CNTNAP1: variants seen among roughly 807,000 people sequenced by gnomAD.
CNTNAP1 encodes contactin associated protein 1.
In CNTNAP1, 80 loss-of-function variants were observed where a neutral mutation model predicts 161.5. That is an observed-to-expected ratio of 0.50 (90% CI 0.41 to 0.60). The LOEUF (loss-of-function observed/expected upper bound fraction) is 0.60. Among genes scored for constraint, CNTNAP1 ranks in the 20% least tolerant of loss-of-function variants. CNTNAP1 has a pLI of 0.00. For missense variants in CNTNAP1, 1,464 were observed against 1,854.8 expected (o/e 0.79, Z 3.87); for synonymous variants, 695 against 733.1 (o/e 0.95, Z 0.84).
Position 42,695,230 on chromosome 17 carries a change from G to A in CNTNAP1, c.2993-291G>A, listed in dbSNP as rs2053136738. ...CCCAAAGTGCTGGGATTACAGGTGTGAGCCACTGTGCCTGGCCTTACTGCG... is the reference window on the plus strand; with the variant it reads ...CCCAAAGTGCTGGGATTACAGGTGTAAGCCACTGTGCCTGGCCTTACTGCG... On this transcript the variant is annotated intron_variant, in intron 18 of 23. Transcript: ENST00000264638. Among the ~76,000 whole-genome samples, 3 of 152,316 alleles carry A rather than the reference G, an allele frequency of 2.0e-5. No individual in the cohort carries two copies. In the South Asian group the frequency reaches 6.2e-4, roughly 32 times the overall value.
chr17:42,692,760 C>T (rs1294937611), intron 17 of CNTNAP1, 40 bp downstream of exon 17: 3 of 1,540,990 alleles, frequency 1.9e-6, no homozygotes, highest in Non-Finnish European at 2.6e-6. Flanking sequence ...GCCTCCTTTA[C>T]CTCCCCATCC....
Position 42,697,254 on chromosome 17 carries a change from C to T in CNTNAP1, c.3475-20C>T, listed in dbSNP as rs1355504956. ...GTCCCCGCTCCCTCATCGCCCTCCC[C>T]CTCCCCCTCCCCACCTCAGGTGGAC... On this transcript the variant is annotated intron_variant, in intron 20 of 23. Coordinates refer to ENST00000264638, the MANE Select transcript of CNTNAP1 (RefSeq NM_003632.3). The T allele has an allele frequency of 6.3e-7, 1 of 1,588,782 alleles. No homozygotes were observed. Among genetic ancestry groups the T allele is most frequent in the Non-Finnish European group, 8.6e-7 (1 of 1,157,110 alleles).
rs555596441 is a variant in CNTNAP1, at chr17:42,697,883, TG to T, written c.3815-18del. On this transcript the variant is annotated intron_variant, in intron 22 of 23. Coordinates refer to ENST00000264638, the MANE Select transcript of CNTNAP1 (RefSeq NM_003632.3). ...TAACATGGAGGAGGCATCTCCTAACTGGTGCTTTCTCCTCTCCAGACTTCCC... is the reference window on the plus strand; with the variant it reads ...TAACATGGAGGAGGCATCTCCTAACTGTGCTTTCTCCTCTCCAGACTTCCC... 1,035 of 1,614,196 alleles carry T rather than the reference TG, an allele frequency of 6.4e-4. 6 individuals carry two copies. In the Middle Eastern group the frequency reaches 0.015, roughly 23 times the overall value.
intron 17 of CNTNAP1, 43 bp from the exon 18 acceptor site, chr17:42,693,254 T>A: frequency 6.2e-7 from 1 of 1,608,956 alleles, no homozygotes. Flanking sequence ...CCACCGCGCC[T>A]GGCCCTGCCT....
rs1187027240 is a variant in CNTNAP1 at position 42,699,541 on chromosome 17, TAGAGAAA to T, written c.*633_*639del. On this transcript the variant is annotated 3_prime_UTR_variant, in exon 24 of 24. Transcript: ENST00000264638. ...CCAAAGCCATAAAAAACCTGCAACGTAGAGAAAATAATGCAGATACCCTGACTAGCCA... is the reference window on the plus strand; with the variant it reads ...CCAAAGCCATAAAAAACCTGCAACGTATAATGCAGATACCCTGACTAGCCA... 2.0e-5 allele frequency: 3 copies of T among 152,686 alleles called. No homozygotes were observed. Among genetic ancestry groups the T allele is most frequent in the Non-Finnish European group, 4.4e-5 (3 of 68,024 alleles). 9.5% of individuals were successfully genotyped at this position (152,686 alleles called of 1,614,324 possible).
In CNTNAP1 at chr17:42,699,131, T is replaced by G; in HGVS notation, c.*221T>G. 6 of 422,714 alleles carry G rather than the reference T, an allele frequency of 1.4e-5. No individual in the cohort carries two copies. The highest frequency in any genetic ancestry group is 3.8e-5 in the East Asian group (1 of 26,434). The allele number at this position is 422,714 out of a possible 1,614,324, so 26.2% of individuals were successfully genotyped here. On this transcript the variant is annotated 3_prime_UTR_variant, in exon 24 of 24. Transcript: ENST00000264638. ...AAACCAATGCCCTTCTCATCCCTGT[T>G]TCCCCAGGCTCCTGGCTGTTTATCT... is the stretch of plus-strand genomic sequence containing the variant.
rs542440020 is a variant in CNTNAP1 at position 42,691,103 on chromosome 17, C to T, written c.2060-34C>T. ...AGGAGCCCAGAGGCTAATGGAGGGA[C>T]AGGGCCTGGAAGCTGCCTGCACCTC... On this transcript the variant is annotated intron_variant, in intron 13 of 23. Transcript: ENST00000264638. This position sits in a 1 kb window ranked among gnomAD's most constrained non-coding sequence, Gnocchi z 4.3. The T allele has an allele frequency of 6.2e-7, 1 of 1,609,378 alleles. No individual in the cohort carries two copies. Among genetic ancestry groups the T allele is most frequent in the Non-Finnish European group, 8.5e-7 (1 of 1,177,874 alleles).
intron 17 of CNTNAP1, among the ~76,000 whole-genome samples, chr17:42,693,066 C>T (rs1000105463): frequency 3.3e-5 from 5 of 151,922 alleles, no homozygotes; most frequent in African/African-American, 1.2e-4. Flanking sequence ...AAGCAGTTCT[C>T]CTGCCTCAGC....
Position 42,684,993 on chromosome 17 carries a change from C to T in CNTNAP1, c.366C>T (p.Thr122=). Residue 122 remains threonine (T), a splice_region_variant and synonymous_variant, in exon 4 of 24, where the codon ACC becomes ACT. Coordinates refer to ENST00000264638, the MANE Select transcript of CNTNAP1 (RefSeq NM_003632.3). ...ACTACTCTCCTCCACCCCCGCAGAC[C>T]TTCTTTGGTAACGTGAACGAGTCGG... ...TPFYQRGHNS[T]FFGNVNESAV... The T allele has an allele frequency of 6.2e-7, 1 of 1,607,340 alleles. No individual in the cohort carries two copies. The highest frequency in any genetic ancestry group is 8.5e-7 in the Non-Finnish European group (1 of 1,178,412).
chr17:42,686,480 T>TGTTG (rs1555642218), intron 6 of CNTNAP1, among the ~76,000 whole-genome samples: 5,267 of 132,060 alleles, frequency 0.04, 414 homozygotes, highest in African/African-American at 0.18. Context: ...TTTTTTTTTT[T>TGTTG]TTTTTTTTTT....
At chr17:42,684,799 G>C (rs1002512954) in intron 3 of CNTNAP1, among the ~76,000 whole-genome samples, 192 bp from the exon 4 acceptor site, 1 of 151,930 alleles carries the variant, frequency 6.6e-6, no homozygotes, top group Non-Finnish European at 1.5e-5. Context: ...AGTGGCGGGC[G>C]CCTGTAATCC....
intron 20 of CNTNAP1, 103 bp downstream of exon 20, chr17:42,696,255 A>G: frequency 6.9e-7 from 1 of 1,456,244 alleles, no homozygotes; most frequent in Non-Finnish European, 9.4e-7. Flanking sequence ...ATCACATTTG[A>G]ATGTATAGAG....
intron 18 of CNTNAP1, 119 bp downstream of exon 18, chr17:42,693,655 T>A: frequency 7.0e-7 from 1 of 1,437,160 alleles, no homozygotes; most frequent in Non-Finnish European, 9.5e-7. Context: ...TGTCCCTGGA[T>A]TCCTGAGCTC....
Position 42,695,549 on chromosome 17 carries a change from C to T in CNTNAP1, c.3021C>T (p.Thr1007=), listed in dbSNP as rs1273846248. 1 of 1,605,966 alleles carries T rather than the reference C, an allele frequency of 6.2e-7. No individual in the cohort carries two copies. Among genetic ancestry groups the T allele is most frequent in the Non-Finnish European group, 8.5e-7 (1 of 1,173,916 alleles). Residue 1007 remains threonine, a synonymous_variant, in exon 19 of 24, where the codon ACC becomes ACT. Transcript: ENST00000264638. The part of the protein sequence containing the change: ...HDIGGFFEPG[T]WMRYNLQSAL... ...TTGGTGGTTTCTTTGAGCCGGGCACCTGGATGCGCTATAACCTACAGTCAG... is the reference window on the plus strand; with the variant it reads ...TTGGTGGTTTCTTTGAGCCGGGCACTTGGATGCGCTATAACCTACAGTCAG...
rs377440646 is a variant in CNTNAP1 at position 42,696,065 on chromosome 17, C to T, written c.3387C>T (p.Tyr1129=). 1.4e-5 allele frequency: 22 copies of T among 1,614,038 alleles called. No homozygotes were observed. In the East Asian group the frequency reaches 1.6e-4, roughly 11 times the overall value. The change falls in exon 20 of 24, where the codon TAC becomes TAT. Residue 1129 remains tyrosine, a synonymous_variant. Coordinates refer to ENST00000264638, the MANE Select transcript of CNTNAP1 (RefSeq NM_003632.3). ...QLRYQLGTSP[Y]VYQLTTRPVT... ...GATATCAGCTGGGCACCAGTCCCTA[C>T]GTGTACCAGCTAACCACTCGACCAG...
Position 42,686,027 on chromosome 17 carries a change from C to G in CNTNAP1, c.786C>G (p.His262Gln). 1 of 1,614,194 alleles carries G rather than the reference C, an allele frequency of 6.2e-7. No homozygotes were observed. The highest frequency in any genetic ancestry group is 8.5e-7 in the Non-Finnish European group (1 of 1,180,042). The change falls in exon 6 of 24, where the codon CAC becomes CAG. Residue 262 changes from histidine to glutamine, a missense_variant. Coordinates refer to ENST00000264638, the MANE Select transcript of CNTNAP1 (RefSeq NM_003632.3). ...VSAGGVLNDQ[H>Q]WHYVRVDRFG... is the part of the protein sequence containing the mutation. Reference sequence around the variant, plus strand: ...CAGGCGGAGTCCTCAATGACCAGCACTGGCACTATGTGCGGGTGGACCGAT... The same window carrying G: ...CAGGCGGAGTCCTCAATGACCAGCAGTGGCACTATGTGCGGGTGGACCGAT...
chr17:42,691,155 T>C lies in CNTNAP1; in HGVS notation c.2078T>C (p.Phe693Ser). ...LNTAGGYPYS[F>S]WIGRNEEQHF... ...TCCCCAGGAGGCTACCCCTACAGCT[T>C]TTGGATTGGCCGAAATGAGGAGCAG... is the stretch of plus-strand genomic sequence containing the variant. Residue 693 changes from phenylalanine to serine, a missense_variant, in exon 14 of 24, where the codon TTT becomes TCT. Phe to Ser is a radical substitution (Grantham distance 155, BLOSUM62 -2). This residue lies in a region of CNTNAP1 where 1,383 missense variants were observed against 1,765.0 expected (regional missense o/e 0.78). Coordinates refer to ENST00000264638, the MANE Select transcript of CNTNAP1 (RefSeq NM_003632.3). This position sits in a 1 kb window ranked among gnomAD's most constrained non-coding sequence, Gnocchi z 4.3. 1 of 1,614,044 alleles carries C rather than the reference T, an allele frequency of 6.2e-7. No homozygotes were observed. Among genetic ancestry groups the C allele is most frequent in the Non-Finnish European group, 8.5e-7 (1 of 1,179,974 alleles).
At position 42,697,383 on chromosome 17, in the gene CNTNAP1, G is replaced by C. The variant is rs746070340; in HGVS notation, c.3568+16G>C. The C allele has an allele frequency of 3.7e-6, 6 of 1,613,410 alleles. No homozygotes were observed. The highest frequency in any genetic ancestry group is 5.1e-6 in the Non-Finnish European group (6 of 1,179,382). Reference sequence around the variant, plus strand: ...CGTGTGATGGGTAAGCTGCGGGTGCGGACGCGTTTTAGGCAAGGAGCTGTG... The same window carrying C: ...CGTGTGATGGGTAAGCTGCGGGTGCCGACGCGTTTTAGGCAAGGAGCTGTG... On this transcript the variant is annotated intron_variant, in intron 21 of 23. Transcript: ENST00000264638.
In CNTNAP1 at chr17:42,686,897, C is replaced by G. The variant is rs371544682; in HGVS notation, c.901-6C>G. 1.3e-6 allele frequency: 2 copies of G among 1,596,660 alleles called. No homozygotes were observed. The highest frequency in any genetic ancestry group is 2.7e-5 in the African/African-American group (2 of 74,616). On this transcript the variant is annotated splice_region_variant and splice_polypyrimidine_tract_variant and intron_variant, in intron 6 of 23. Coordinates refer to ENST00000264638, the MANE Select transcript of CNTNAP1 (RefSeq NM_003632.3). Reference sequence around the variant, plus strand: ...CAAGAGGCCTCATTCCCCACGCCTCCCGCAGATGTTCATCGGAGGTCTGGT... The same window carrying G: ...CAAGAGGCCTCATTCCCCACGCCTCGCGCAGATGTTCATCGGAGGTCTGGT...
Sources: gnomAD v4.1 joint callset for allele counts (sites outside exome capture counted in the v4.1 genomes callset) on GRCh38, gnomAD v4.1.1 for gene constraint, gnomAD v4.1.1 regional missense constraint, Gnocchi (gnomAD v3.1) non-coding constraint, MANE v1.5 for transcripts, NCBI Gene and HGNC (gene_info 2026-07-23, HGNC 2026-07-21) for gene names.